Variants in DDX31 observed in about 807,000 individuals in gnomAD.
The protein encoded by DDX31 is ATP-dependent DNA helicase DDX31.
Under a neutral mutation model 91.3 loss-of-function variants are expected in DDX31, and 70 were observed. The observed-to-expected ratio is 0.77, with a 90% CI of 0.63 to 0.94. The LOEUF is 0.94. Among genes scored for constraint, DDX31 ranks in the 40% least tolerant of loss-of-function variants. The pLI is 0.00. For synonymous variants in DDX31, 362 were observed against 350.6 expected, an observed-to-expected ratio of 1.03 and a Z score of -0.36; for missense variants, 902 against 925.0, an observed-to-expected ratio of 0.98 and a Z score of 0.32.
rs147295548 is a variant in DDX31, at chr9:132,648,213, A to T, written c.943T>A (p.Leu315Met). 2 of 1,614,024 alleles carry T rather than the reference A, an allele frequency of 1.2e-6. No individual in the cohort carries two copies. Among genetic ancestry groups the T allele is most frequent in the African/African-American group, 2.7e-5 (2 of 75,050 alleles). The change falls in exon 11 of 20, where the codon TTG becomes ATG. Residue 315 changes from leucine to methionine, a missense_variant. Leu to Met is a conservative substitution (Grantham distance 15, BLOSUM62 2). Coordinates refer to ENST00000372159, the MANE Select transcript of DDX31 (RefSeq NM_022779.9). ...NAECQKRQNV[L>M]LSATLTEGVT... ...CCTTCTGTGAGTGTCGCTGATAGCAAGACATTCTGTCGTTTTTGGCATTCA... is the reference window on the plus strand; with the variant it reads ...CCTTCTGTGAGTGTCGCTGATAGCATGACATTCTGTCGTTTTTGGCATTCA...
intron 8 of DDX31, 31 bp from the exon 9 acceptor site, chr9:132,650,329 C>T: frequency 6.2e-7 from 1 of 1,604,912 alleles, no homozygotes. Context: ...ACAGTCAGTG[C>T]AAAGCCCCCT....
At chr9:132,635,926 A>G (rs1260930309) in intron 14 of DDX31, among the ~76,000 whole-genome samples, 1 of 151,944 alleles carries the variant, frequency 6.6e-6, no homozygotes, top group Non-Finnish European at 1.5e-5. Flanking sequence ...CCTGGGCAAC[A>G]AGAGCAAAAC....
At chr9:132,640,763 CT>C (rs1833454414) in intron 14 of DDX31, among the ~76,000 whole-genome samples, 1 of 152,212 alleles carries the variant, frequency 6.6e-6, no homozygotes. Context: ...CCACCTCGGC[CT>C]CCCAAAGTGG....
In DDX31 at chr9:132,609,619, T is replaced by C. The variant is rs372147877; in HGVS notation, c.1994+2468A>G. Among the ~76,000 whole-genome samples, 6 of 152,262 alleles carry C rather than the reference T, an allele frequency of 3.9e-5. No homozygotes were observed. In the East Asian group the frequency reaches 1.2e-3, roughly 29 times the overall value. On this transcript the variant is annotated intron_variant, in intron 19 of 19. Coordinates refer to ENST00000372159, the MANE Select transcript of DDX31 (RefSeq NM_022779.9). Reference sequence around the variant, plus strand: ...GGATCGGAATAAACAAAGATGTGTGTTTCTTTTTTTTTTCTTCTTTGAGAC... The same window carrying C: ...GGATCGGAATAAACAAAGATGTGTGCTTCTTTTTTTTTTCTTCTTTGAGAC...
At chr9:132,628,046 A>C (rs1392774625) in intron 16 of DDX31, among the ~76,000 whole-genome samples, 1 of 152,238 alleles carries the variant, frequency 6.6e-6, no homozygotes, top group African/African-American at 2.4e-5. Context: ...GCTGTTTTGC[A>C]TTAAGTCAAA....
intron 7 of DDX31, among the ~76,000 whole-genome samples, chr9:132,651,572 A>C (rs140406436): frequency 6.6e-6 from 1 of 152,354 alleles, no homozygotes; most frequent in African/African-American, 2.4e-5. Context: ...TGTATTCTAC[A>C]ACTGTGCCAG....
At chr9:132,638,175 C>T in intron 14 of DDX31, 1 of 1,411,586 alleles carries the variant, frequency 7.1e-7, no homozygotes, top group Non-Finnish European at 9.3e-7. Context: ...AAAAAGGTGA[C>T]TGCACTCCAT....
At chr9:132,645,655 G>A (rs1227188329) in intron 13 of DDX31, among the ~76,000 whole-genome samples, 2 of 152,166 alleles carry the variant, frequency 1.3e-5, no homozygotes, top group Admixed American at 6.5e-5. Context: ...GAAGAGACCA[G>A]CTCCCAGAGC....
chr9:132,635,797 A>C (rs1018203965), intron 14 of DDX31, among the ~76,000 whole-genome samples: 5 of 151,804 alleles, frequency 3.3e-5, no homozygotes, highest in African/African-American at 1.2e-4. Context: ...ACACAAAATT[A>C]GCCAGGCATG....
intron 1 of DDX31, among the ~76,000 whole-genome samples, chr9:132,663,907 T>C (rs1435255140): frequency 1.3e-5 from 2 of 152,248 alleles, no homozygotes; most frequent in South Asian, 2.1e-4. Flanking sequence ...AGTTTCAGGT[T>C]TGTTGAATCA....
At position 132,634,585 on chromosome 9, in the gene DDX31, GTTTTT is replaced by G. The variant is rs59296842; in HGVS notation, c.1441-2499_1441-2495del. ...CAAATTCTCCAACTGTACCTAAGATGTTTTTTTTTTTTTTTTTTTTTTTTAAAGAT... is the reference window on the plus strand; with the variant it reads ...CAAATTCTCCAACTGTACCTAAGATGTTTTTTTTTTTTTTTTTTTAAAGAT... On this transcript the variant is annotated intron_variant, in intron 14 of 19. Coordinates refer to ENST00000372159, the MANE Select transcript of DDX31 (RefSeq NM_022779.9). Among the ~76,000 whole-genome samples the G allele has an allele frequency of 2.3e-3, 233 of 103,094 alleles. 1 individual carries two copies. Among genetic ancestry groups the G allele is most frequent in the African/African-American group, 8.1e-3 (220 of 27,014 alleles). 67.6% of individuals were successfully genotyped at this position (103,094 alleles called of 152,430 possible).
chr9:132,600,131 C>T (rs901449412), intron 19 of DDX31, among the ~76,000 whole-genome samples: 4 of 152,246 alleles, frequency 2.6e-5, no homozygotes, highest in African/African-American at 9.6e-5. Context: ...GACAACTTGA[C>T]CTTGGCATGG....
In DDX31 at chr9:132,611,105, C is replaced by T. The variant is rs531947692; in HGVS notation, c.1994+982G>A. Among the ~76,000 whole-genome samples, 8 of 152,328 alleles carry T rather than the reference C, an allele frequency of 5.3e-5. No individual in the cohort carries two copies. The East Asian group carries it at 1.5e-3, about 29-fold the overall frequency. On this transcript the variant is annotated intron_variant, in intron 19 of 19. Transcript: ENST00000372159. The stretch of plus-strand genomic sequence containing the variant: ...AGGCAAGCTGGACACTGGGCAGGAA[C>T]AGGCAGCTCAGAGTGGTTCTGCCTG...
chr9:132,612,151 G>T lies in DDX31; in HGVS notation c.1930C>A (p.Leu644Ile). Residue 644 changes from leucine (L) to isoleucine (I), a missense_variant, in exon 19 of 20, where the codon CTA becomes ATA. Coordinates refer to ENST00000372159, the MANE Select transcript of DDX31 (RefSeq NM_022779.9). ...HLGHVAKSFG[L>I]RDAPRNLSAL... ...CTAAGATTCCTGGGGGCATCTCTTA[G>T]TCCGAAGCTCTTCGCCACATGCCCA... 1 of 1,614,222 alleles carries T rather than the reference G, an allele frequency of 6.2e-7. No homozygotes were observed. The highest frequency in any genetic ancestry group is 1.3e-5 in the African/African-American group (1 of 75,058).
At chr9:132,644,486 G>A (rs1406773246) in intron 13 of DDX31, among the ~76,000 whole-genome samples, 1 of 152,190 alleles carries the variant, frequency 6.6e-6, no homozygotes, top group Admixed American at 6.5e-5. Flanking sequence ...CAGCCAGCAA[G>A]TGACAGCCAG....
At chr9:132,652,347 C>T in intron 7 of DDX31, 101 bp downstream of exon 7, 1 of 1,392,544 alleles carries the variant, frequency 7.2e-7, no homozygotes, top group Non-Finnish European at 1.0e-6. Flanking sequence ...TGTGCAGTGG[C>T]TTGTGCAGTA....
At chr9:132,653,923 T>G (rs938910803) in intron 6 of DDX31, among the ~76,000 whole-genome samples, 1 of 152,088 alleles carries the variant, frequency 6.6e-6, no homozygotes, top group Admixed American at 6.5e-5. Context: ...CAATTACAAA[T>G]AATGATACTG....
chr9:132,605,433 A>G (rs1031766018), intron 19 of DDX31, among the ~76,000 whole-genome samples: 1 of 152,142 alleles, frequency 6.6e-6, no homozygotes, highest in African/African-American at 2.4e-5. Context: ...TGCTCAAAAA[A>G]CCTGTACAAC....
chr9:132,669,620 G>T, intron 1 of DDX31: 3 of 1,527,128 alleles, frequency 2.0e-6, no homozygotes, highest in Non-Finnish European at 2.6e-6. Context: ...CTAGGCGCAG[G>T]AGCCAGCTCC....
Sources: gnomAD v4.1 joint callset for allele counts (sites outside exome capture counted in the v4.1 genomes callset) on GRCh38, gnomAD v4.1.1 for gene constraint, MANE v1.5 for transcripts, NCBI Gene and HGNC (gene_info 2026-07-23, HGNC 2026-07-21) for gene names.